ABCC4: variants seen among roughly 807,000 people sequenced by gnomAD.
ABCC4 encodes the protein ATP-binding cassette sub-family C member 4.
A neutral mutation model predicts 168.5 loss-of-function variants in ABCC4; 102 were observed. That is an observed-to-expected ratio of 0.61 (90% confidence interval 0.52 to 0.71). ABCC4 has a LOEUF of 0.71. Ranked by LOEUF, ABCC4 falls within the 30% of genes least tolerant of loss-of-function variation. ABCC4 has a pLI of 0.00. For missense variants in ABCC4, 1,402 were observed against 1,605.8 expected (o/e 0.87, Z 2.17); for synonymous variants, 617 against 590.7 (o/e 1.04, Z -0.65).
At chr13:95,085,667 C>G in intron 20 of ABCC4, among the ~76,000 whole-genome samples, 1 of 152,190 alleles carries the variant, frequency 6.6e-6, no homozygotes, top group African/African-American at 2.4e-5. Flanking sequence ...TGCATCTTGA[C>G]CCACCAGCCC....
intron 13 of ABCC4, among the ~76,000 whole-genome samples, chr13:95,176,677 G>A (rs145016177): frequency 6.6e-6 from 1 of 152,234 alleles, no homozygotes; most frequent in African/African-American, 2.4e-5. Context: ...CTTCTCTGTG[G>A]CTGACTGCCC....
intron 20 of ABCC4, among the ~76,000 whole-genome samples, chr13:95,083,639 G>A (rs528339806): frequency 1.0e-4 from 15 of 150,424 alleles, no homozygotes; most frequent in African/African-American, 3.7e-4. Flanking sequence ...TGATTCTCCT[G>A]CCTCAGTTTC....
At chr13:95,080,368 C>G (rs2034051498) in intron 21 of ABCC4, among the ~76,000 whole-genome samples, 1 of 148,610 alleles carries the variant, frequency 6.7e-6, no homozygotes, top group Non-Finnish European at 1.5e-5. Flanking sequence ...ATAAAATGAT[C>G]AACTGCAGAT....
chr13:95,177,745 A>G lies in ABCC4; in HGVS notation c.1689T>C (p.Ser563=). The change falls in exon 13 of 31, where the codon AGT becomes AGC. Residue 563 remains serine, a synonymous_variant. Coordinates refer to ENST00000645237, the MANE Select transcript of ABCC4 (RefSeq NM_005845.5). The part of the protein sequence containing the change: ...ADIYLLDDPL[S]AVDAEVSRHL... ...GTCTGCTAACTTCCGCATCTACTGC[A>G]CTGAGAGGATCGTCCAGGAGATAGA... 6.2e-7 allele frequency: 1 copy of G among 1,612,194 alleles called. No homozygotes were observed. The highest frequency in any genetic ancestry group is 8.5e-7 in the Non-Finnish European group (1 of 1,178,298).
chr13:95,147,965 A>C (rs2036553324), intron 19 of ABCC4, among the ~76,000 whole-genome samples: 1 of 152,172 alleles, frequency 6.6e-6, no homozygotes, highest in Non-Finnish European at 1.5e-5. Context: ...GAAAACATGC[A>C]AACAAACAAA....
chr13:95,286,344 TC>T (rs374267135), intron 1 of ABCC4, among the ~76,000 whole-genome samples: 30 of 151,932 alleles, frequency 2.0e-4, no homozygotes, highest in African/African-American at 4.3e-4. Flanking sequence ...GATCTCCAAC[TC>T]CTGACCTCAG....
intron 19 of ABCC4, among the ~76,000 whole-genome samples, chr13:95,137,773 T>A (rs1328097056): frequency 6.6e-6 from 1 of 152,132 alleles, no homozygotes; most frequent in Non-Finnish European, 1.5e-5. Context: ...ATATAAATCA[T>A]TTTAGAGACT....
intron 3 of ABCC4, among the ~76,000 whole-genome samples, chr13:95,236,842 C>T (rs980609669): frequency 2.6e-5 from 4 of 152,148 alleles, no homozygotes; most frequent in South Asian, 2.1e-4. Flanking sequence ...GGTCATAACA[C>T]GGACTGTTTA....
intron 20 of ABCC4, among the ~76,000 whole-genome samples, chr13:95,084,943 A>G (rs1251315948): frequency 1.3e-5 from 2 of 152,258 alleles, no homozygotes; most frequent in Non-Finnish European, 2.9e-5. Flanking sequence ...GAAACATGTG[A>G]TATCACGGTC....
chr13:95,137,504 A>G (rs1594162630), intron 19 of ABCC4, among the ~76,000 whole-genome samples: 1 of 152,358 alleles, frequency 6.6e-6, no homozygotes, highest in African/African-American at 2.4e-5. Context: ...TCTACATGGT[A>G]GAATATTTAA....
At chr13:95,218,873 A>C (rs1362930184) in intron 4 of ABCC4, among the ~76,000 whole-genome samples, 2 of 136,848 alleles carry the variant, frequency 1.5e-5, no homozygotes, top group African/African-American at 5.9e-5. Flanking sequence ...AAGAAAAGAA[A>C]AGAAAAGAGA....
chr13:95,142,437 T>C (rs1032357870), intron 19 of ABCC4, among the ~76,000 whole-genome samples: 1 of 151,818 alleles, frequency 6.6e-6, no homozygotes, highest in Admixed American at 6.6e-5. Flanking sequence ...AGGGGAAAGG[T>C]TGGAAAGGGG....
rs72642358 is a variant in ABCC4, at chr13:95,063,261, C to A, written c.3211-402G>T. Reference sequence around the variant, plus strand: ...AAAGTCAACAGTCTCCTAAGTGGCCCATGAAAAGGCAACTTTTAAATTAGC... The same window carrying A: ...AAAGTCAACAGTCTCCTAAGTGGCCAATGAAAAGGCAACTTTTAAATTAGC... On this transcript the variant is annotated intron_variant, in intron 25 of 30. Transcript: ENST00000645237. Among the ~76,000 whole-genome samples the A allele has an allele frequency of 2.9e-3, 441 of 152,278 alleles. 1 individual carries two copies. Among genetic ancestry groups the A allele is most frequent in the Non-Finnish European group, 4.5e-3 (307 of 68,024 alleles).
intron 1 of ABCC4, among the ~76,000 whole-genome samples, chr13:95,265,234 A>T (rs1008136708): frequency 7.9e-5 from 12 of 152,324 alleles, no homozygotes; most frequent in Non-Finnish European, 1.6e-4. Context: ...AGACATTGAC[A>T]ACTATGGTAG....
intron 4 of ABCC4, among the ~76,000 whole-genome samples, chr13:95,227,718 CT>C (rs916861934): frequency 2.6e-5 from 4 of 151,906 alleles, no homozygotes; most frequent in Non-Finnish European, 5.9e-5. Context: ...TATGTAATTT[CT>C]TTTTTTTAAA....
chr13:95,116,674 C>T (rs1462824890), intron 19 of ABCC4, among the ~76,000 whole-genome samples: 1 of 152,166 alleles, frequency 6.6e-6, no homozygotes, highest in Non-Finnish European at 1.5e-5. Flanking sequence ...CACTGCTTAG[C>T]ATCGACTTTA....
intron 27 of ABCC4, among the ~76,000 whole-genome samples, chr13:95,051,454 G>A (rs963857484): frequency 6.6e-6 from 1 of 151,848 alleles, no homozygotes; most frequent in Admixed American, 6.6e-5. Context: ...CTGCAGCCTC[G>A]ACCTCCAGGG....
At chr13:95,073,068 T>A (rs906126408) in intron 24 of ABCC4, 136 bp downstream of exon 24, 9 of 612,402 alleles carry the variant, frequency 1.5e-5, no homozygotes, top group Non-Finnish European at 2.5e-5. Flanking sequence ...TTTAAACAGA[T>A]GGAGGAAGGA....
intron 4 of ABCC4, among the ~76,000 whole-genome samples, chr13:95,213,768 A>G (rs891129043): frequency 2.0e-5 from 3 of 152,218 alleles, no homozygotes; most frequent in Non-Finnish European, 4.4e-5. Context: ...ACAGACAGAC[A>G]GAAGGATTCA....
Sources: gnomAD v4.1 joint callset for allele counts (sites outside exome capture counted in the v4.1 genomes callset) on GRCh38, gnomAD v4.1.1 for gene constraint, MANE v1.5 for transcripts, NCBI Gene and HGNC (gene_info 2026-07-23, HGNC 2026-07-21) for gene names.